BCL11B: variants seen among roughly 807,000 people sequenced by gnomAD.
The protein encoded by BCL11B is B-cell lymphoma/leukemia 11B.
In BCL11B, 8 loss-of-function variants were observed where a neutral mutation model predicts 49.9. That is an observed-to-expected ratio of 0.16 (90% CI 0.09 to 0.29). BCL11B has a LOEUF of 0.29. Among genes scored for constraint, BCL11B ranks in the 10% least tolerant of loss-of-function variants. The pLI is 1.00. For synonymous variants in BCL11B, 739 were observed against 637.4 expected, an observed-to-expected ratio of 1.16 and a Z score of -2.40; for missense variants, 1,006 against 1,351.0, an observed-to-expected ratio of 0.74 and a Z score of 4.00.
In BCL11B at chr14:99,171,874, G is replaced by A; in HGVS notation, c.*2277C>T. ...AAAAGAAAAGGGTATTTTTTTTCTTGTTTTGTAAAATGCCCAGGCATTCTC... is the reference window on the plus strand; with the variant it reads ...AAAAGAAAAGGGTATTTTTTTTCTTATTTTGTAAAATGCCCAGGCATTCTC... On this transcript the variant is annotated 3_prime_UTR_variant, in exon 4 of 4. Coordinates refer to ENST00000357195, the MANE Select transcript of BCL11B (RefSeq NM_138576.4). 4.9e-6 allele frequency: 1 copy of A among 202,864 alleles called. No homozygotes were observed. Among genetic ancestry groups the A allele is most frequent in the Non-Finnish European group, 1.0e-5 (1 of 98,958 alleles). The allele number at this position is 202,864 out of a possible 1,614,324, so 12.6% of individuals were successfully genotyped here.
chr14:99,182,893 T>C (rs1886748433), intron 3 of BCL11B, among the ~76,000 whole-genome samples: 1 of 152,182 alleles, frequency 6.6e-6, no homozygotes, highest in South Asian at 2.1e-4. Context: ...ATCCAGTAAA[T>C]GTGGGATCAA....
At chr14:99,197,756 C>T (rs773749656) in intron 3 of BCL11B, among the ~76,000 whole-genome samples, 14 of 152,142 alleles carry the variant, frequency 9.2e-5, no homozygotes, top group Admixed American at 2.6e-4. Flanking sequence ...ACGGCTGGAG[C>T]GGAGACTCAG....
At chr14:99,217,190 G>GTA (rs1887867799) in intron 3 of BCL11B, among the ~76,000 whole-genome samples, 1 of 151,758 alleles carries the variant, frequency 6.6e-6, no homozygotes, top group African/African-American at 2.4e-5. Flanking sequence ...ACCCTCACAT[G>GTA]TATACACATG....
At chr14:99,251,100 G>T (rs1888996208) in intron 2 of BCL11B, among the ~76,000 whole-genome samples, 1 of 152,144 alleles carries the variant, frequency 6.6e-6, no homozygotes, top group African/African-American at 2.4e-5. Flanking sequence ...AGGGGAGATG[G>T]CCTCAAGCTA....
rs147339446 is a variant in BCL11B, at chr14:99,174,289, G to T, written c.2547C>A (p.Ile849=). ...LTRHMKTHGQ[I]GKEVYRCDIC... ...TGTCGCAGCGGTACACCTCCTTGCC[G>T]ATCTGCCCGTGCGTCTTCATGTGGC... Residue 849 remains isoleucine (I), a synonymous_variant, in exon 4 of 4, where the codon ATC becomes ATA. Coordinates refer to ENST00000357195, the MANE Select transcript of BCL11B (RefSeq NM_138576.4). The T allele has an allele frequency of 1.2e-6, 2 of 1,613,454 alleles. No individual in the cohort carries two copies. Among genetic ancestry groups the T allele is most frequent in the Non-Finnish European group, 8.5e-7 (1 of 1,180,020 alleles).
At chr14:99,246,412 A>C (rs1362295062) in intron 2 of BCL11B, among the ~76,000 whole-genome samples, 1 of 152,222 alleles carries the variant, frequency 6.6e-6, no homozygotes, top group African/African-American at 2.4e-5. Flanking sequence ...CGATGGGCGC[A>C]AGGCCGTGGG....
In BCL11B at chr14:99,231,322, C is replaced by A. The variant is rs369309471; in HGVS notation, c.640+23G>T. 4.4e-6 allele frequency: 7 copies of A among 1,605,378 alleles called. No homozygotes were observed. In the East Asian group the frequency reaches 1.1e-4, roughly 26 times the overall value. On this transcript the variant is annotated intron_variant, in intron 3 of 3. Coordinates refer to ENST00000357195, the MANE Select transcript of BCL11B (RefSeq NM_138576.4). The surrounding 1 kb of genome is among the most constrained non-coding windows in gnomAD (Gnocchi z 8.1). ...ACCCCGCCATCCCGGGGGCCCGCCC[C>A]CCACCGCGGCGTCGTCTGTTACCTG...
intron 1 of BCL11B, among the ~76,000 whole-genome samples, chr14:99,259,456 T>C (rs542744062): frequency 6.6e-6 from 1 of 152,316 alleles, no homozygotes; most frequent in African/African-American, 2.4e-5. Flanking sequence ...ATGTAAGACG[T>C]ACAACGCGCA....
intron 3 of BCL11B, among the ~76,000 whole-genome samples, chr14:99,190,895 G>A (rs866236946): frequency 4.0e-5 from 5 of 125,576 alleles, no homozygotes; most frequent in South Asian, 3.4e-4. Flanking sequence ...CCCACCGCCC[G>A]CTTCGGCCAC....
At chr14:99,193,099 C>A (rs1324800953) in intron 3 of BCL11B, among the ~76,000 whole-genome samples, 1 of 152,142 alleles carries the variant, frequency 6.6e-6, no homozygotes, top group Non-Finnish European at 1.5e-5. Flanking sequence ...CCACTGCCAC[C>A]AAGTAGTCGT....
chr14:99,271,290 C>G lies in BCL11B; in HGVS notation c.-72G>C. 5.9e-6 allele frequency: 7 copies of G among 1,187,542 alleles called. No homozygotes were observed. The highest frequency in any genetic ancestry group is 6.3e-6 in the Non-Finnish European group (6 of 949,774). 73.6% of individuals were successfully genotyped at this position (1,187,542 alleles called of 1,614,324 possible). On this transcript the variant is annotated 5_prime_UTR_variant, in exon 1 of 4. Coordinates refer to ENST00000357195, the MANE Select transcript of BCL11B (RefSeq NM_138576.4). ...GGGGAGCCGGGGGAGGGGGTCCGAG[C>G]CGCCGCCGCGCCGCTGCCGCCGCTG...
intron 3 of BCL11B, among the ~76,000 whole-genome samples, chr14:99,206,646 A>G (rs1887541657): frequency 6.6e-6 from 1 of 152,198 alleles, no homozygotes. Context: ...TATTTTACCT[A>G]ATAATGGCCC....
At chr14:99,176,233 G>A (rs1190968801) in intron 3 of BCL11B, 38 bp from the exon 4 acceptor site, 5 of 1,590,870 alleles carry the variant, frequency 3.1e-6, no homozygotes. Context: ...GAGACAGCGT[G>A]AGAAGCGGCA....
At chr14:99,185,446 G>GAA (rs11352447) in intron 3 of BCL11B, among the ~76,000 whole-genome samples, 3 of 138,550 alleles carry the variant, frequency 2.2e-5, no homozygotes, top group Non-Finnish European at 1.6e-5. Context: ...TAAAAAAAAA[G>GAA]AAAAAAAAAA....
intron 1 of BCL11B, among the ~76,000 whole-genome samples, chr14:99,258,128 A>G (rs1020066534): frequency 2.0e-5 from 3 of 152,134 alleles, no homozygotes; most frequent in Admixed American, 2.0e-4. Flanking sequence ...TTTCTCCCCA[A>G]CGTAGTATAA....
rs911414643 is a variant in BCL11B, at chr14:99,228,607, T to C, written c.640+2738A>G. On this transcript the variant is annotated intron_variant, in intron 3 of 3. Transcript: ENST00000357195. The surrounding 1 kb of genome is among the most constrained non-coding windows in gnomAD (Gnocchi z 4.8). ...CCAGAGCACTGCAATCAAGCACTGGTTGCTCACAGGCTCTGAGTCCTGGCA... is the reference window on the plus strand; with the variant it reads ...CCAGAGCACTGCAATCAAGCACTGGCTGCTCACAGGCTCTGAGTCCTGGCA... Among the ~76,000 whole-genome samples the C allele has an allele frequency of 1.3e-5, 2 of 152,182 alleles. No homozygotes were observed. Among genetic ancestry groups the C allele is most frequent in the Admixed American group, 6.5e-5 (1 of 15,282 alleles).
intron 2 of BCL11B, among the ~76,000 whole-genome samples, chr14:99,235,484 C>T (rs1204054810): frequency 6.6e-6 from 1 of 152,162 alleles, no homozygotes; most frequent in Non-Finnish European, 1.5e-5. Context: ...ATGCAAAAAG[C>T]ATGATCAGGA....
chr14:99,234,614 A>G (rs1020483274), intron 2 of BCL11B, among the ~76,000 whole-genome samples: 2 of 152,060 alleles, frequency 1.3e-5, no homozygotes, highest in African/African-American at 2.4e-5. Flanking sequence ...AGCTCCCTCA[A>G]CTTTAAAGGA....
intron 3 of BCL11B, among the ~76,000 whole-genome samples, chr14:99,224,420 G>A (rs535436612): frequency 8.5e-5 from 13 of 152,286 alleles, no homozygotes; most frequent in Non-Finnish European, 1.2e-4. Context: ...GACTGAGCCG[G>A]CCCTTTAGCA....
Sources: gnomAD v4.1 joint callset for allele counts (sites outside exome capture counted in the v4.1 genomes callset) on GRCh38, gnomAD v4.1.1 for gene constraint, Gnocchi (gnomAD v3.1) non-coding constraint, MANE v1.5 for transcripts, NCBI Gene and HGNC (gene_info 2026-07-23, HGNC 2026-07-21) for gene names.